The following GPATCH2 variants were observed in gnomAD, a reference collection of about 807,000 sequenced individuals.
The protein encoded by GPATCH2 is G patch domain-containing protein 2.
A neutral mutation model predicts 58.0 loss-of-function variants in GPATCH2; 51 were observed. The observed-to-expected ratio is 0.88, with a 90% CI of 0.70 to 1.11. The LOEUF (loss-of-function observed/expected upper bound fraction) is 1.11, where lower values mean the gene tolerates loss of function less well. Ranked by LOEUF, GPATCH2 falls within the 50% of genes most tolerant of loss-of-function variation. The pLI is 0.00. For synonymous variants in GPATCH2, 222 were observed against 218.5 expected (o/e 1.02, Z -0.14); for missense variants, 625 against 652.2 (o/e 0.96, Z 0.45).
intron 5 of GPATCH2, among the ~76,000 whole-genome samples, chr1:217,519,043 C>T (rs1336158120): frequency 6.6e-6 from 1 of 152,122 alleles, no homozygotes; most frequent in Non-Finnish European, 1.5e-5. Context: ...AAGAAAGAAA[C>T]AAGACTTTTA....
intron 5 of GPATCH2, among the ~76,000 whole-genome samples, chr1:217,601,052 C>A (rs562273842): frequency 6.6e-6 from 1 of 152,046 alleles, no homozygotes; most frequent in African/African-American, 2.4e-5. Context: ...AAATAAAATG[C>A]AGAAAGCATG....
At chr1:217,529,695 T>C (rs891412323) in intron 5 of GPATCH2, among the ~76,000 whole-genome samples, 1 of 152,190 alleles carries the variant, frequency 6.6e-6, no homozygotes, top group African/African-American at 2.4e-5. Flanking sequence ...GATTCCCAGA[T>C]TCCTGTTCCT....
intron 5 of GPATCH2, among the ~76,000 whole-genome samples, chr1:217,571,261 G>A (rs1666524224): frequency 6.6e-6 from 1 of 152,104 alleles, no homozygotes; most frequent in Admixed American, 6.5e-5. Flanking sequence ...TTCTCTAACT[G>A]TTCTAGAGGA....
chr1:217,507,549 A>T (rs1662622719), intron 6 of GPATCH2, among the ~76,000 whole-genome samples: 1 of 152,208 alleles, frequency 6.6e-6, no homozygotes, highest in South Asian at 2.1e-4. Context: ...GCATAAAATA[A>T]AATTAACCAC....
intron 5 of GPATCH2, among the ~76,000 whole-genome samples, chr1:217,586,619 G>T (rs894342086): frequency 2.0e-5 from 3 of 152,176 alleles, no homozygotes; most frequent in Non-Finnish European, 1.5e-5. Flanking sequence ...ACTCTAAAAT[G>T]ATGATTAAAA....
intron 4 of GPATCH2, among the ~76,000 whole-genome samples, chr1:217,610,647 T>C (rs989629124): frequency 6.6e-6 from 1 of 152,210 alleles, no homozygotes; most frequent in Non-Finnish European, 1.5e-5. Flanking sequence ...ATTTTCTTTT[T>C]TCCGAATTAA....
chr1:217,505,016 G>A (rs1029843677), intron 6 of GPATCH2, among the ~76,000 whole-genome samples: 10 of 152,208 alleles, frequency 6.6e-5, no homozygotes, highest in African/African-American at 1.9e-4. Flanking sequence ...TGGAGCCAAG[G>A]TTCCACACGG....
At chr1:217,625,022 GT>G (rs1288548523) in intron 1 of GPATCH2, among the ~76,000 whole-genome samples, 3 of 152,146 alleles carry the variant, frequency 2.0e-5, no homozygotes, top group African/African-American at 7.2e-5. Context: ...TGAGTACTTT[GT>G]TTTTTCGGGT....
At chr1:217,568,754 G>A (rs1156547194) in intron 5 of GPATCH2, among the ~76,000 whole-genome samples, 1 of 152,154 alleles carries the variant, frequency 6.6e-6, no homozygotes, top group African/African-American at 2.4e-5. Context: ...GCTAGTACAG[G>A]ATTTTATTTT....
chr1:217,624,895 A>G (rs1170918139), intron 1 of GPATCH2, among the ~76,000 whole-genome samples: 4 of 152,242 alleles, frequency 2.6e-5, no homozygotes, highest in Non-Finnish European at 4.4e-5. Context: ...TAAGATAACA[A>G]TAGTTCATCA....
chr1:217,615,225 A>G (rs933795422), intron 2 of GPATCH2, among the ~76,000 whole-genome samples: 8 of 152,068 alleles, frequency 5.3e-5, no homozygotes, highest in Non-Finnish European at 1.0e-4. Flanking sequence ...CTAAATTCAC[A>G]TACATTTTCT....
chr1:217,431,062 T>G lies in GPATCH2; in HGVS notation c.*83A>C. On this transcript the variant is annotated 3_prime_UTR_variant, in exon 10 of 10. Coordinates refer to ENST00000366935, the MANE Select transcript of GPATCH2 (RefSeq NM_018040.5). ...TGTTTGAGGCAATGTAGATTTTTGC[T>G]TCAAAAACAGAAGTCATGTTATCAT... is the stretch of plus-strand genomic sequence containing the variant. 1 of 790,930 alleles carries G rather than the reference T, an allele frequency of 1.3e-6. No individual in the cohort carries two copies. Among genetic ancestry groups the G allele is most frequent in the South Asian group, 1.4e-5 (1 of 69,250 alleles). 49.0% of individuals were successfully genotyped at this position (790,930 alleles called of 1,614,324 possible). A position where few individuals can be genotyped will look rare whatever the true frequency, so the allele number is the denominator to read the frequency against.
At chr1:217,435,781 G>A (rs1658795310) in intron 9 of GPATCH2, among the ~76,000 whole-genome samples, 1 of 152,160 alleles carries the variant, frequency 6.6e-6, no homozygotes, top group Non-Finnish European at 1.5e-5. Context: ...TGAACTCAAA[G>A]AACAGCATTA....
chr1:217,594,372 C>G (rs556457498), intron 5 of GPATCH2, among the ~76,000 whole-genome samples: 2 of 152,150 alleles, frequency 1.3e-5, no homozygotes, highest in East Asian at 3.9e-4. Flanking sequence ...AAATAACCAA[C>G]AGAAGTAAAA....
chr1:217,599,153 T>A (rs908755744), intron 5 of GPATCH2, among the ~76,000 whole-genome samples: 2 of 151,966 alleles, frequency 1.3e-5, no homozygotes, highest in Non-Finnish European at 2.9e-5. Flanking sequence ...CATAACACCA[T>A]CTGGAAAGGA....
At chr1:217,518,960 C>G (rs1663315291) in intron 5 of GPATCH2, among the ~76,000 whole-genome samples, 1 of 152,172 alleles carries the variant, frequency 6.6e-6, no homozygotes, top group African/African-American at 2.4e-5. Flanking sequence ...CCTCAGCCTC[C>G]CGGCCAGTTT....
intron 6 of GPATCH2, among the ~76,000 whole-genome samples, chr1:217,510,149 T>G (rs1422145652): frequency 6.6e-6 from 1 of 152,186 alleles, no homozygotes; most frequent in African/African-American, 2.4e-5. Flanking sequence ...GAATATGTAT[T>G]GCCTGAAATA....
At chr1:217,586,954 T>C (rs1312395957) in intron 5 of GPATCH2, among the ~76,000 whole-genome samples, 2 of 152,174 alleles carry the variant, frequency 1.3e-5, no homozygotes, top group Non-Finnish European at 2.9e-5. Flanking sequence ...GGCGAGGATA[T>C]GATTAACATA....
intron 8 of GPATCH2, among the ~76,000 whole-genome samples, chr1:217,472,386 C>T (rs1342966934): frequency 6.6e-6 from 1 of 150,700 alleles, no homozygotes; most frequent in Non-Finnish European, 1.5e-5. Flanking sequence ...ACTGCAAGCT[C>T]CGCTTCCCAG....
Sources: allele counts gnomAD v4.1 joint callset (sites outside exome capture counted in the v4.1 genomes callset), GRCh38; gene constraint gnomAD v4.1.1; transcripts MANE v1.5; gene names NCBI Gene and HGNC (gene_info 2026-07-23, HGNC 2026-07-21).